Variants in CALCRL observed in about 807,000 individuals in gnomAD.
CALCRL encodes the protein calcitonin receptor like receptor, also known as calcitonin gene-related peptide type 1 receptor.
A neutral mutation model predicts 60.4 loss-of-function variants in CALCRL; 27 were observed. The ratio of observed to expected loss-of-function variants is 0.45; its 90% CI spans 0.33 to 0.62. The LOEUF (loss-of-function observed/expected upper bound fraction) is 0.62, where lower values mean the gene tolerates loss of function less well. CALCRL is among the 20% of genes least tolerant of loss of function. The pLI, the probability that CALCRL is intolerant of heterozygous loss-of-function variation, is 0.03. For synonymous variants in CALCRL, 190 were observed against 182.6 expected (o/e 1.04, Z -0.33); for missense variants, 424 against 540.7 (o/e 0.78, Z 2.14).
intron 1 of CALCRL, among the ~76,000 whole-genome samples, chr2:187,403,353 G>A (rs907634965): frequency 6.6e-6 from 1 of 151,812 alleles, no homozygotes; most frequent in Non-Finnish European, 1.5e-5. Context: ...AAATACCTGA[G>A]TGCAGTTCTC....
chr2:187,414,938 C>T (rs1219872263), intron 1 of CALCRL, among the ~76,000 whole-genome samples: 2 of 150,804 alleles, frequency 1.3e-5, no homozygotes, highest in Non-Finnish European at 2.9e-5. Context: ...TTCCCCCATC[C>T]ATCCAGAAAA....
intron 14 of CALCRL, among the ~76,000 whole-genome samples, chr2:187,347,426 T>G (rs773505531): frequency 4.0e-5 from 6 of 151,868 alleles, no homozygotes; most frequent in Non-Finnish European, 8.8e-5. Flanking sequence ...CTTTCAGTGC[T>G]TTTCCAAAGG....
At chr2:187,437,348 C>G (rs940607332) in intron 1 of CALCRL, among the ~76,000 whole-genome samples, 11 of 152,168 alleles carry the variant, frequency 7.2e-5, no homozygotes, top group Non-Finnish European at 1.6e-4. Context: ...CAAGACCATC[C>G]TGGCTAATAC....
chr2:187,443,209 T>C (rs1433538146), intron 1 of CALCRL, among the ~76,000 whole-genome samples: 2 of 151,830 alleles, frequency 1.3e-5, no homozygotes, highest in Non-Finnish European at 3.0e-5. Context: ...CTTCCTGTCT[T>C]ACAGATAGAT....
chr2:187,347,413 G>A (rs1686328779), intron 14 of CALCRL, among the ~76,000 whole-genome samples: 1 of 151,768 alleles, frequency 6.6e-6, no homozygotes, highest in African/African-American at 2.4e-5. Context: ...TTGCTCTTTG[G>A]CTCTTTCAGT....
chr2:187,447,755 T>C (rs903287108), intron 1 of CALCRL, among the ~76,000 whole-genome samples: 4 of 152,184 alleles, frequency 2.6e-5, no homozygotes, highest in African/African-American at 9.6e-5. Context: ...CATTGTTCTG[T>C]GATTAAGGTA....
At chr2:187,392,922 A>C (rs536814501) in intron 1 of CALCRL, among the ~76,000 whole-genome samples, 3 of 152,204 alleles carry the variant, frequency 2.0e-5, no homozygotes, top group African/African-American at 7.2e-5. Context: ...GCCCACTTCA[A>C]CCTAGCTTGG....
rs59030457 is a variant in CALCRL at position 187,351,284 on chromosome 2, C to CAA, written c.1170+634_1170+635dup. Among the ~76,000 whole-genome samples the CAA allele has an allele frequency of 2.4e-4, 28 of 116,138 alleles. 11 individuals carry two copies. The South Asian group carries it at 8.2e-3, about 34-fold the overall frequency. The allele number at this position is 116,138 out of a possible 152,430, so 76.2% of individuals were successfully genotyped here. On this transcript the variant is annotated intron_variant, in intron 14 of 14. Transcript: ENST00000392370. ...TGGGCTAAACAGCGGGACTCCGTCT[C>CAA]AAAAAAAAAAAAAAAAGAAATATGT...
At chr2:187,398,411 T>C (rs1559061210) in intron 1 of CALCRL, among the ~76,000 whole-genome samples, 1 of 151,676 alleles carries the variant, frequency 6.6e-6, no homozygotes, top group South Asian at 2.1e-4. Context: ...TCTTGTTACA[T>C]TGAGCTTTCC....
chr2:187,398,647 T>C (rs1227044362), intron 1 of CALCRL, among the ~76,000 whole-genome samples: 1 of 151,586 alleles, frequency 6.6e-6, no homozygotes, highest in East Asian at 1.9e-4. Flanking sequence ...AGCACAATCC[T>C]CTGATTAAAT....
At chr2:187,417,191 A>G (rs1172262429) in intron 1 of CALCRL, among the ~76,000 whole-genome samples, 2 of 152,192 alleles carry the variant, frequency 1.3e-5, no homozygotes, top group East Asian at 3.9e-4. Context: ...TAATATATAG[A>G]TGAAAAAACT....
At chr2:187,372,694 C>T (rs1437229234) in intron 8 of CALCRL, among the ~76,000 whole-genome samples, 1 of 152,100 alleles carries the variant, frequency 6.6e-6, no homozygotes, top group East Asian at 1.9e-4. Context: ...AAAAGTTTCC[C>T]ATACCGAGTA....
chr2:187,376,836 G>A (rs1318589916), intron 8 of CALCRL, among the ~76,000 whole-genome samples: 4 of 151,918 alleles, frequency 2.6e-5, no homozygotes, highest in Non-Finnish European at 4.4e-5. Flanking sequence ...TAATGTGCTC[G>A]GATATTTCAA....
At chr2:187,433,001 C>T (rs577256578) in intron 1 of CALCRL, among the ~76,000 whole-genome samples, 3 of 152,126 alleles carry the variant, frequency 2.0e-5, no homozygotes, top group East Asian at 1.9e-4. Flanking sequence ...TGTAAGTACC[C>T]TCTGTAATGT....
rs1236013253 is a variant in CALCRL at position 187,351,081 on chromosome 2, C to T, written c.1170+839G>A. 7.7e-4 allele frequency among the ~76,000 whole-genome samples: 3 copies of T among 3,888 alleles called. 1 individual carries two copies. The highest frequency in any genetic ancestry group is 1.7e-3 in the Non-Finnish European group (3 of 1,762). The allele number at this position is 3,888 out of a possible 152,430, so 2.6% of individuals were successfully genotyped here. ...CGGGCGGATCACAAGGTCAGGAGAT[C>T]GAGACCATCTTGGCTAACACGGTGA... On this transcript the variant is annotated intron_variant, in intron 14 of 14. Transcript: ENST00000392370.
intron 1 of CALCRL, among the ~76,000 whole-genome samples, chr2:187,414,577 C>G (rs555997358): frequency 6.6e-5 from 10 of 152,182 alleles, no homozygotes; most frequent in African/African-American, 1.9e-4. Context: ...TGCCTAAACT[C>G]AAAGTATATA....
intron 1 of CALCRL, among the ~76,000 whole-genome samples, chr2:187,406,596 A>G (rs1689139205): frequency 1.3e-5 from 2 of 152,010 alleles, no homozygotes; most frequent in African/African-American, 4.8e-5. Flanking sequence ...TTATCTATGT[A>G]TATGTTATTT....
At chr2:187,367,824 T>C (rs1270668732) in intron 8 of CALCRL, among the ~76,000 whole-genome samples, 1 of 152,108 alleles carries the variant, frequency 6.6e-6, no homozygotes, top group Non-Finnish European at 1.5e-5. Flanking sequence ...TTGTATTTCA[T>C]ATTTTTTACA....
intron 9 of CALCRL, 29 bp from the exon 10 acceptor site, chr2:187,360,780 T>C (rs533560718): frequency 6.3e-7 from 1 of 1,581,336 alleles, no homozygotes; most frequent in Non-Finnish European, 8.6e-7. Context: ...CCCCAATATT[T>C]ACTTGTTTAT....
Sources: gnomAD v4.1 joint callset for allele counts (sites outside exome capture counted in the v4.1 genomes callset) on GRCh38, gnomAD v4.1.1 for gene constraint, MANE v1.5 for transcripts, NCBI Gene and HGNC (gene_info 2026-07-23, HGNC 2026-07-21) for gene names.